Variants in EIF5B observed in about 807,000 individuals in gnomAD.
The protein encoded by EIF5B is eIF-5B.
In EIF5B, 47 loss-of-function variants were observed where a neutral mutation model predicts 147.5. The observed-to-expected ratio is 0.32, with a 90% CI of 0.25 to 0.41. The LOEUF (loss-of-function observed/expected upper bound fraction) is 0.41. EIF5B is among the 10% of genes least tolerant of loss of function. The pLI is 1.00. For synonymous variants in EIF5B, 455 were observed against 456.2 expected, an observed-to-expected ratio of 1.00 and a Z score of 0.03; for missense variants, 1,064 against 1,413.2, an observed-to-expected ratio of 0.75 and a Z score of 3.96.
chr2:99,381,516 GGGGTGTGTGTGT>G (rs1056870210), intron 12 of EIF5B, among the ~76,000 whole-genome samples: 9 of 134,712 alleles, frequency 6.7e-5, no homozygotes, highest in African/African-American at 2.1e-4. Context: ...ATACAAAAAG[GGGGTGTGTGTGT>G]GTGTGTGTGT....
chr2:99,362,198 T>C (rs1055927083), intron 4 of EIF5B, among the ~76,000 whole-genome samples: 1 of 152,224 alleles, frequency 6.6e-6, no homozygotes, highest in African/African-American at 2.4e-5. Context: ...GTTCAATTTA[T>C]GAAATTCACA....
chr2:99,359,832 TAAA>T (rs1288962469), intron 1 of EIF5B, among the ~76,000 whole-genome samples: 1 of 152,196 alleles, frequency 6.6e-6, no homozygotes, highest in Non-Finnish European at 1.5e-5. Context: ...CTATTCCAAG[TAAA>T]AATGCACAGG....
rs1463462731 is a variant in EIF5B at position 99,400,541 on chromosome 2, C to A, written c.*1127C>A. ...ATATAACATAAAAATATTTTATATA[C>A]GTTTGAAAAATCTATACCGTTCTTT... On this transcript the variant is annotated 3_prime_UTR_variant, in exon 24 of 24. Transcript: ENST00000289371. 2 of 152,028 alleles carry A rather than the reference C, an allele frequency of 1.3e-5. No individual in the cohort carries two copies. The highest frequency in any genetic ancestry group is 4.8e-5 in the African/African-American group (2 of 41,378). 9.4% of individuals were successfully genotyped at this position (152,028 alleles called of 1,614,324 possible).
At chr2:99,380,983 C>T (rs1674675332) in intron 12 of EIF5B, among the ~76,000 whole-genome samples, 1 of 152,092 alleles carries the variant, frequency 6.6e-6, no homozygotes, top group South Asian at 2.1e-4. Flanking sequence ...TAAAGTATTG[C>T]TGTTAAGTTT....
rs1674185638 is a variant in EIF5B, at chr2:99,360,483, A to G, written c.180A>G (p.Lys60=). The G allele has an allele frequency of 2.5e-6, 4 of 1,613,492 alleles. No individual in the cohort carries two copies. The highest frequency in any genetic ancestry group is 3.4e-6 in the Non-Finnish European group (4 of 1,179,738). The change falls in exon 3 of 24, where the codon AAA becomes AAG. Residue 60 remains lysine (K), a synonymous_variant. Coordinates refer to ENST00000289371, the MANE Select transcript of EIF5B (RefSeq NM_015904.4). Reference sequence around the variant, plus strand: ...TTTCTAGTGAAGATGATATCCTGAAAGAACTGGAAGAATTGTCTTTGGAAG... The same window carrying G: ...TTTCTAGTGAAGATGATATCCTGAAGGAACTGGAAGAATTGTCTTTGGAAG... The part of the protein sequence containing the change: ...KQDFDEDDIL[K]ELEELSLEAQ...
At chr2:99,376,760 T>C in intron 10 of EIF5B, 124 bp downstream of exon 10, 1 of 1,384,830 alleles carries the variant, frequency 7.2e-7, no homozygotes, top group Non-Finnish European at 9.4e-7. Context: ...CACCGTTCAG[T>C]TTTTGTAATG....
chr2:99,387,733 T>C (rs1490395964), intron 14 of EIF5B, among the ~76,000 whole-genome samples: 1 of 152,234 alleles, frequency 6.6e-6, no homozygotes, highest in African/African-American at 2.4e-5. Flanking sequence ...GTAGATAAAT[T>C]TTGAGAGAAT....
At chr2:99,377,460 A>C (rs1285128454) in intron 10 of EIF5B, among the ~76,000 whole-genome samples, 1 of 150,964 alleles carries the variant, frequency 6.6e-6, no homozygotes, top group Non-Finnish European at 1.5e-5. Flanking sequence ...TATGATACCA[A>C]ACAACATCTT....
rs1674903480 is a variant in EIF5B, at chr2:99,390,553, C to G, written c.2596C>G (p.Leu866Val). Residue 866 changes from leucine to valine, a missense_variant, in exon 17 of 24, where the codon CTC (leucine) becomes GTC (valine). By Grantham distance (32) the Leu-to-Val change is conservative (BLOSUM62 1). Coordinates refer to ENST00000289371, the MANE Select transcript of EIF5B (RefSeq NM_015904.4). ...CATTAATGCCTTTTAGGTTAAAGCTCTCCCGGGGATGGGCACCACTATAGA... is the reference window on the plus strand; with the variant it reads ...CATTAATGCCTTTTAGGTTAAAGCTGTCCCGGGGATGGGCACCACTATAGA... ...LRAQVMEVKA[L>V]PGMGTTIDVI... is the part of the protein sequence containing the mutation. 1 of 1,606,178 alleles carries G rather than the reference C, an allele frequency of 6.2e-7. No individual in the cohort carries two copies. The highest frequency in any genetic ancestry group is 8.5e-7 in the Non-Finnish European group (1 of 1,173,864).
intron 1 of EIF5B, among the ~76,000 whole-genome samples, chr2:99,339,563 G>A (rs1317904997): frequency 6.6e-6 from 1 of 151,422 alleles, no homozygotes; most frequent in East Asian, 1.9e-4. Flanking sequence ...TTTTGGAGAT[G>A]GAGGGGCAGT....
At chr2:99,366,489 C>T (rs192615893) in intron 6 of EIF5B, among the ~76,000 whole-genome samples, 2 of 152,198 alleles carry the variant, frequency 1.3e-5, no homozygotes, top group Admixed American at 1.3e-4. Context: ...ATGGTTTTAC[C>T]ATTCTAGCCA....
chr2:99,342,108 G>T (rs1040166745), intron 1 of EIF5B, among the ~76,000 whole-genome samples: 1 of 152,184 alleles, frequency 6.6e-6, no homozygotes, highest in Admixed American at 6.5e-5. Context: ...CATTTCTCAA[G>T]CTGTTTGACC....
At chr2:99,369,589 A>G (rs958546478) in intron 8 of EIF5B, 108 bp downstream of exon 8, 1 of 774,502 alleles carries the variant, frequency 1.3e-6, no homozygotes, top group Non-Finnish European at 2.0e-6. Context: ...CCAAATAAGT[A>G]TCTGGCTGGA....
intron 9 of EIF5B, among the ~76,000 whole-genome samples, chr2:99,372,433 G>C (rs1674472309): frequency 6.6e-6 from 1 of 152,144 alleles, no homozygotes; most frequent in South Asian, 2.1e-4. Flanking sequence ...CCACCTCCCG[G>C]GTTCAAGCCA....
At chr2:99,391,729 C>CTTTT (rs759464054) in intron 17 of EIF5B, among the ~76,000 whole-genome samples, 2 of 129,838 alleles carry the variant, frequency 1.5e-5, no homozygotes, top group African/African-American at 2.8e-5. Context: ...ATAGCTGGCT[C>CTTTT]TTTTTTTTTT....
chr2:99,362,297 C>T (rs759993132), intron 4 of EIF5B, among the ~76,000 whole-genome samples: 7 of 152,098 alleles, frequency 4.6e-5, no homozygotes, highest in Non-Finnish European at 8.8e-5. Flanking sequence ...AATAATGAGC[C>T]ATTTTTTTAA....
At chr2:99,367,203 C>T (rs1272543847) in intron 6 of EIF5B, among the ~76,000 whole-genome samples, 1 of 152,152 alleles carries the variant, frequency 6.6e-6, no homozygotes, top group Non-Finnish European at 1.5e-5. Flanking sequence ...CTGCAAAAGA[C>T]ACTGTCAAGA....
chr2:99,341,732 T>A (rs1459644431), intron 1 of EIF5B, among the ~76,000 whole-genome samples: 2 of 152,208 alleles, frequency 1.3e-5, no homozygotes, highest in African/African-American at 4.8e-5. Flanking sequence ...TTCAAATATT[T>A]AATTTAAAAA....
At chr2:99,391,095 TAC>T (rs1263329196) in intron 17 of EIF5B, among the ~76,000 whole-genome samples, 1 of 152,188 alleles carries the variant, frequency 6.6e-6, no homozygotes, top group Admixed American at 6.5e-5. Flanking sequence ...ACCAATCACA[TAC>T]ACAGTCGACT....
Sources: allele counts gnomAD v4.1 joint callset (sites outside exome capture counted in the v4.1 genomes callset), GRCh38; gene constraint gnomAD v4.1.1; transcripts MANE v1.5; gene names NCBI Gene and HGNC (gene_info 2026-07-23, HGNC 2026-07-21).